Variants in FIBCD1 observed in about 807,000 individuals in gnomAD.
The protein encoded by FIBCD1 is fibrinogen C domain containing 1.
FIBCD1 carries 47 observed loss-of-function variants against 45.1 expected under a neutral mutation model. The ratio of observed to expected loss-of-function variants is 1.04; its 90% confidence interval spans 0.82 to 1.33. The LOEUF (loss-of-function observed/expected upper bound fraction) is 1.33, where lower values mean the gene tolerates loss of function less well. FIBCD1 is among the 40% of genes most tolerant of loss of function. FIBCD1 has a pLI of 0.00. For synonymous variants in FIBCD1, 313 were observed against 308.1 expected (o/e 1.02, Z -0.17); for missense variants, 653 against 682.2 (o/e 0.96, Z 0.48).
Position 130,903,931 on chromosome 9 carries a change from G to A in FIBCD1, c.*133C>T. On this transcript the variant is annotated 3_prime_UTR_variant, in exon 7 of 7. Coordinates refer to ENST00000372338, the MANE Select transcript of FIBCD1 (RefSeq NM_032843.5). The stretch of plus-strand genomic sequence containing the variant: ...CCGGCCCAGGGAGCTTCGTGTCAGG[G>A]ATGGCCCGGCCCCTCCCTACTGGAG... The A allele has an allele frequency of 8.2e-7, 1 of 1,223,360 alleles. No homozygotes were observed. The highest frequency in any genetic ancestry group is 1.2e-6 in the Non-Finnish European group (1 of 849,918). The allele number at this position is 1,223,360 out of a possible 1,614,324, so 75.8% of individuals were successfully genotyped here.
At chr9:130,930,714 C>G in intron 1 of FIBCD1, 1 of 454,802 alleles carries the variant, frequency 2.2e-6, no homozygotes, top group Non-Finnish European at 4.4e-6. Flanking sequence ...CCAGACGGGA[C>G]AGGGCTCAGG....
intron 1 of FIBCD1, 200 bp downstream of exon 1, chr9:130,938,336 G>A: frequency 2.2e-6 from 1 of 456,220 alleles, no homozygotes; most frequent in Non-Finnish European, 3.8e-6. Flanking sequence ...TCCTGCAGGG[G>A]TGCCGCCCCC....
chr9:130,914,532 C>T (rs1229624204), intron 4 of FIBCD1, among the ~76,000 whole-genome samples: 1 of 152,244 alleles, frequency 6.6e-6, no homozygotes, highest in Non-Finnish European at 1.5e-5. Flanking sequence ...GGAAGTAGGC[C>T]ACAGTGCGGG....
chr9:130,931,306 G>A (rs1291121810), intron 1 of FIBCD1, among the ~76,000 whole-genome samples: 1 of 152,142 alleles, frequency 6.6e-6, no homozygotes. Context: ...TCAGGAGATC[G>A]AGACCATCCT....
chr9:130,936,236 G>C (rs2086596820), intron 1 of FIBCD1: 1 of 152,384 alleles, frequency 6.6e-6, no homozygotes, highest in Non-Finnish European at 1.5e-5. Flanking sequence ...ATGTCAGTGG[G>C]TGAGACAAAC....
At chr9:130,921,494 C>T (rs1481351357) in intron 4 of FIBCD1, among the ~76,000 whole-genome samples, 1 of 152,232 alleles carries the variant, frequency 6.6e-6, no homozygotes, top group Non-Finnish European at 1.5e-5. Flanking sequence ...CCAGGGCCCC[C>T]GGAACCGGGT....
intron 6 of FIBCD1, 80 bp downstream of exon 6, chr9:130,905,154 T>C: frequency 7.2e-7 from 1 of 1,383,248 alleles, no homozygotes; most frequent in Non-Finnish European, 9.8e-7. Flanking sequence ...CCTTGATCAT[T>C]TTGGAGGGCA....
At chr9:130,925,315 AC>A (rs1832340829) in intron 2 of FIBCD1, among the ~76,000 whole-genome samples, 1 of 151,920 alleles carries the variant, frequency 6.6e-6, no homozygotes, top group Non-Finnish European at 1.5e-5. Flanking sequence ...AGGGACCAGG[AC>A]TCAGGCCACT....
chr9:130,932,326 A>G (rs1588113636), intron 1 of FIBCD1, among the ~76,000 whole-genome samples: 1 of 152,186 alleles, frequency 6.6e-6, no homozygotes, highest in African/African-American at 2.4e-5. Context: ...CCCCCGGGAA[A>G]GAGATCTGCT....
At chr9:130,921,658 C>T (rs1588109623) in intron 4 of FIBCD1, among the ~76,000 whole-genome samples, 1 of 152,364 alleles carries the variant, frequency 6.6e-6, no homozygotes, top group African/African-American at 2.4e-5. Flanking sequence ...AGACGCATGG[C>T]CCGCTCCGGC....
At chr9:130,928,389 C>T (rs1588112144) in intron 2 of FIBCD1, among the ~76,000 whole-genome samples, 1 of 151,258 alleles carries the variant, frequency 6.6e-6, no homozygotes, top group Middle Eastern at 3.4e-3. Flanking sequence ...AGGTGGGGGT[C>T]CCAGGTCAGC....
chr9:130,910,058 G>C (rs991404946), intron 5 of FIBCD1, among the ~76,000 whole-genome samples: 3 of 152,234 alleles, frequency 2.0e-5, no homozygotes, highest in Admixed American at 6.5e-5. Context: ...TGCGCTGTGG[G>C]AGCCCCTTTC....
Position 130,929,941 on chromosome 9 carries a change from G to C in FIBCD1, c.178C>G (p.Pro60Ala), listed in dbSNP as rs1832419498. Reference sequence around the variant, plus strand: ...ACGACAGGTGGGGGCGCCGTGCCCGGCGCGTGGGCGTGGTTCAGGAAGAGC... The same window carrying C: ...ACGACAGGTGGGGGCGCCGTGCCCGCCGCGTGGGCGTGGTTCAGGAAGAGC... ...AVLFLNHAHA[P>A]GTAPPPVVST... is the part of the protein sequence containing the mutation. Residue 60 changes from proline to alanine, a missense_variant, in exon 2 of 7, where the codon CCG (proline) becomes GCG (alanine). Pro to Ala is a conservative substitution (Grantham distance 27). Transcript: ENST00000372338. 1.3e-6 allele frequency: 2 copies of C among 1,549,012 alleles called. No homozygotes were observed. The highest frequency in any genetic ancestry group is 1.7e-6 in the Non-Finnish European group (2 of 1,146,260).
At chr9:130,938,416 C>T (rs1564342929) in intron 1 of FIBCD1, 120 bp downstream of exon 1, 6 of 833,618 alleles carry the variant, frequency 7.2e-6, no homozygotes, top group Non-Finnish European at 1.0e-5. Flanking sequence ...CCCGGGCCTC[C>T]GGAGCCTCGA....
intron 2 of FIBCD1, among the ~76,000 whole-genome samples, chr9:130,928,575 C>A (rs1450695137): frequency 6.6e-6 from 1 of 152,234 alleles, no homozygotes; most frequent in Non-Finnish European, 1.5e-5. Context: ...CCAGCTGCTG[C>A]CTTCAAAGGG....
At chr9:130,920,755 G>A (rs923416088) in intron 4 of FIBCD1, among the ~76,000 whole-genome samples, 1 of 152,082 alleles carries the variant, frequency 6.6e-6, no homozygotes, top group Non-Finnish European at 1.5e-5. Flanking sequence ...CCGTCTCCCT[G>A]CCCCTCACTC....
At chr9:130,911,912 G>A (rs1832060251) in intron 4 of FIBCD1, 24 bp from the exon 5 acceptor site, 2 of 1,552,030 alleles carry the variant, frequency 1.3e-6, no homozygotes, top group South Asian at 2.4e-5. Context: ...ATGGGGATGG[G>A]GCGTTGGCAC....
chr9:130,935,503 CAA>C (rs1037720632), intron 1 of FIBCD1, among the ~76,000 whole-genome samples: 1 of 152,240 alleles, frequency 6.6e-6, no homozygotes, highest in Non-Finnish European at 1.5e-5. Context: ...GGTCGCCCGA[CAA>C]AGAGTAGCTG....
At chr9:130,919,810 A>G (rs1480983299) in intron 4 of FIBCD1, among the ~76,000 whole-genome samples, 2 of 152,182 alleles carry the variant, frequency 1.3e-5, no homozygotes, top group Non-Finnish European at 2.9e-5. Context: ...ATGGGGTCCT[A>G]TCATGGCCAC....
Sources: allele counts gnomAD v4.1 joint callset (sites outside exome capture counted in the v4.1 genomes callset), GRCh38; gene constraint gnomAD v4.1.1; transcripts MANE v1.5; gene names NCBI Gene and HGNC (gene_info 2026-07-23, HGNC 2026-07-21).